Variants in MAPT observed in about 807,000 individuals in gnomAD.
MAPT encodes the protein microtubule associated protein tau, also known as microtubule-associated protein tau.
MAPT carries 34 observed loss-of-function variants against 67.9 expected under a neutral mutation model. The ratio of observed to expected loss-of-function variants is 0.50; its 90% CI spans 0.38 to 0.67. The LOEUF (loss-of-function observed/expected upper bound fraction) is 0.67, where lower values mean the gene tolerates loss of function less well. Ranked by LOEUF, MAPT falls within the 30% of genes least tolerant of loss-of-function variation. The probability of loss-of-function intolerance (pLI) is 0.00; values close to 1 mark genes in which losing one functional copy is unlikely to be tolerated. For synonymous variants in MAPT, 456 were observed against 464.5 expected (o/e 0.98, Z 0.23); for missense variants, 881 against 1,115.2 (o/e 0.79, Z 2.99).
intron 1 of MAPT, among the ~76,000 whole-genome samples, chr17:45,954,022 T>G (rs982297101): frequency 6.6e-6 from 1 of 152,090 alleles, no homozygotes; most frequent in African/African-American, 2.4e-5. Context: ...TTTTTTTCGA[T>G]CGAAGAAATA....
chr17:45,989,826 C>T, intron 6 of MAPT, 52 bp from the exon 7 acceptor site: 1 of 1,515,432 alleles, frequency 6.6e-7, no homozygotes, highest in Non-Finnish European at 9.2e-7. Flanking sequence ...AGTTTGTTTC[C>T]CTCCTCCATG....
rs767424425 is a variant in MAPT at position 45,983,531 on chromosome 17, G to A, written c.952G>A (p.Gly318Arg). The change falls in exon 5 of 13, where the codon GGG (glycine) becomes AGG (arginine). Residue 318 changes from glycine to arginine, a missense_variant. Transcript: ENST00000262410. ...PPSKASPAQD[G>R]RPPQTAAREA... ...CTCCAAGGCCTCCCCAGCCCAAGATGGGCGGCCTCCCCAGACAGCCGCCAG... is the reference window on the plus strand; with the variant it reads ...CTCCAAGGCCTCCCCAGCCCAAGATAGGCGGCCTCCCCAGACAGCCGCCAG... The A allele has an allele frequency of 1.2e-6, 2 of 1,612,854 alleles. No individual in the cohort carries two copies. Among genetic ancestry groups the A allele is most frequent in the East Asian group, 2.2e-5 (1 of 44,856 alleles).
intron 1 of MAPT, among the ~76,000 whole-genome samples, chr17:45,909,732 A>G (rs2064612950): frequency 1.3e-5 from 2 of 152,128 alleles, no homozygotes; most frequent in Admixed American, 6.5e-5. Context: ...TTAGCCAAGC[A>G]TGATGGCATG....
intron 1 of MAPT, among the ~76,000 whole-genome samples, chr17:45,903,879 T>TA (rs1232933731): frequency 1.8e-4 from 5 of 28,150 alleles, no homozygotes; most frequent in African/African-American, 4.9e-4. Context: ...TATTATATAT[T>TA]TATATATTTA....
At chr17:45,903,645 G>A (rs1443494244) in intron 1 of MAPT, among the ~76,000 whole-genome samples, 3 of 141,906 alleles carry the variant, frequency 2.1e-5, no homozygotes, top group African/African-American at 7.9e-5. Flanking sequence ...AACCCGGGAG[G>A]TGGAGGTTGC....
intron 12 of MAPT, among the ~76,000 whole-genome samples, chr17:46,019,436 G>A (rs978565223): frequency 4.6e-5 from 7 of 152,032 alleles, no homozygotes; most frequent in Admixed American, 1.3e-4. Flanking sequence ...GCATGATCTC[G>A]GCTCACTGCA....
intron 1 of MAPT, among the ~76,000 whole-genome samples, chr17:45,955,389 A>T (rs1299913003): frequency 6.6e-6 from 1 of 152,184 alleles, no homozygotes; most frequent in Non-Finnish European, 1.5e-5. Context: ...GGACCACTGC[A>T]GTCAGCTCCC....
chr17:45,952,676 C>T (rs1430833472), intron 1 of MAPT, among the ~76,000 whole-genome samples: 1 of 152,266 alleles, frequency 6.6e-6, no homozygotes, highest in Non-Finnish European at 1.5e-5. Flanking sequence ...GTCCCAGCTT[C>T]TCAGCCTATG....
At chr17:45,916,330 C>T (rs2065203968) in intron 1 of MAPT, among the ~76,000 whole-genome samples, 1 of 152,238 alleles carries the variant, frequency 6.6e-6, no homozygotes, top group Admixed American at 6.5e-5. Context: ...TGGCTGACTG[C>T]AGTTTTCCTG....
At chr17:46,018,069 C>T (rs1225920047) in intron 11 of MAPT, among the ~76,000 whole-genome samples, 5 of 150,652 alleles carry the variant, frequency 3.3e-5, no homozygotes, top group South Asian at 4.3e-4. Context: ...GGCATGAACC[C>T]GGGAGGCGGA....
intron 1 of MAPT, among the ~76,000 whole-genome samples, chr17:45,916,485 G>T (rs911649707): frequency 6.6e-6 from 1 of 152,134 alleles, no homozygotes; most frequent in Admixed American, 6.5e-5. Flanking sequence ...CCCCCTCTCT[G>T]CCTTCCTGAC....
At chr17:45,956,506 GGCTCATCAC>G (rs1432791761) in intron 1 of MAPT, among the ~76,000 whole-genome samples, 2 of 148,784 alleles carry the variant, frequency 1.3e-5, no homozygotes, top group African/African-American at 2.5e-5. Flanking sequence ...GAGCAAATGG[GGCTCATCAC>G]GTGAAACTCA....
At chr17:46,015,785 TTATTA>T (rs1432356528) in intron 11 of MAPT, among the ~76,000 whole-genome samples, 3 of 152,230 alleles carry the variant, frequency 2.0e-5, no homozygotes, top group Non-Finnish European at 4.4e-5. Context: ...CATGATGTGA[TTATTA>T]TACATTGTGT....
At position 45,971,604 on chromosome 17, in the gene MAPT, T is replaced by C. The variant is rs1260651572; in HGVS notation, c.134-255T>C. ...CACCACTAGCTGGTTAAGAGGCACT[T>C]TGTCCTTTCACCCAGGAGCAAACGC... is the stretch of plus-strand genomic sequence containing the variant. On this transcript the variant is annotated intron_variant, in intron 2 of 12. Coordinates refer to ENST00000262410, the MANE Select transcript of MAPT (RefSeq NM_001377265.1). This position sits in a 1 kb window ranked among gnomAD's most constrained non-coding sequence, Gnocchi z 4.3. Among the ~76,000 whole-genome samples the C allele has an allele frequency of 6.6e-6, 1 of 152,194 alleles. No homozygotes were observed. Among genetic ancestry groups the C allele is most frequent in the Non-Finnish European group, 1.5e-5 (1 of 68,020 alleles).
chr17:46,010,468 C>T lies in MAPT; in HGVS notation c.2091+66C>T, dbSNP rs190460717. On this transcript the variant is annotated intron_variant, in intron 10 of 12. Transcript: ENST00000262410. The surrounding 1 kb of genome is among the most constrained non-coding windows in gnomAD (Gnocchi z 4.7). ...GAATTATTAGGAAGTGGTGTGAGTGCGTACACTTGCGAGACACTGCATAGA... is the reference window on the plus strand; with the variant it reads ...GAATTATTAGGAAGTGGTGTGAGTGTGTACACTTGCGAGACACTGCATAGA... 10 of 1,092,968 alleles carry T rather than the reference C, an allele frequency of 9.1e-6. No individual in the cohort carries two copies. Among genetic ancestry groups the T allele is most frequent in the Admixed American group, 4.0e-5 (2 of 50,430 alleles). 67.7% of individuals were successfully genotyped at this position (1,092,968 alleles called of 1,614,324 possible).
chr17:45,921,826 G>A (rs542280832), intron 1 of MAPT, among the ~76,000 whole-genome samples: 117 of 152,268 alleles, frequency 7.7e-4, no homozygotes, highest in South Asian at 2.1e-3. Flanking sequence ...AGACCTTAGG[G>A]AAAGAAGGAC....
At chr17:45,990,269 G>A (rs1007489802) in intron 7 of MAPT, among the ~76,000 whole-genome samples, 194 bp downstream of exon 7, 5 of 152,150 alleles carry the variant, frequency 3.3e-5, no homozygotes, top group African/African-American at 1.2e-4. Flanking sequence ...CACCCCACAG[G>A]CTCTCATAGC....
At chr17:45,954,915 T>C (rs2069462353) in intron 1 of MAPT, among the ~76,000 whole-genome samples, 1 of 150,962 alleles carries the variant, frequency 6.6e-6, no homozygotes, top group African/African-American at 2.4e-5. Context: ...ACCCGGGAGG[T>C]GGAGCTTGCA....
At chr17:45,997,909 C>T (rs2074634657) in intron 9 of MAPT, among the ~76,000 whole-genome samples, 1 of 152,110 alleles carries the variant, frequency 6.6e-6, no homozygotes, top group Non-Finnish European at 1.5e-5. Flanking sequence ...GGGGTTAGGG[C>T]TTCAACATGT....
Sources: allele counts gnomAD v4.1 joint callset (sites outside exome capture counted in the v4.1 genomes callset), GRCh38; gene constraint gnomAD v4.1.1; non-coding constraint Gnocchi (gnomAD v3.1); transcripts MANE v1.5; gene names NCBI Gene and HGNC (gene_info 2026-07-23, HGNC 2026-07-21).